RGS6: variants seen among roughly 807,000 people sequenced by gnomAD.
The protein encoded by RGS6 is regulator of G-protein signaling 6.
In RGS6, 30 loss-of-function variants were observed where a neutral mutation model predicts 78.5. The observed-to-expected ratio is 0.38, with a 90% confidence interval of 0.29 to 0.52. The LOEUF is 0.52. RGS6 is among the 20% of genes least tolerant of loss of function. The pLI is 0.85. For missense variants in RGS6, 495 were observed against 609.7 expected, an observed-to-expected ratio of 0.81 and a Z score of 1.98; for synonymous variants, 206 against 206.0, an observed-to-expected ratio of 1.00 and a Z score of 0.00.
intron 2 of RGS6, among the ~76,000 whole-genome samples, chr14:72,304,218 A>G (rs1315234855): frequency 6.6e-6 from 1 of 152,222 alleles, no homozygotes; most frequent in African/African-American, 2.4e-5. Context: ...GTATGTGACT[A>G]GTAAACCACG....
At chr14:72,238,856 T>A (rs1036101241) in intron 2 of RGS6, among the ~76,000 whole-genome samples, 5 of 152,144 alleles carry the variant, frequency 3.3e-5, no homozygotes, top group African/African-American at 9.7e-5. Context: ...AAAACACTCA[T>A]ACAACCTGTT....
intron 3 of RGS6, among the ~76,000 whole-genome samples, chr14:72,380,851 C>G (rs1240369793): frequency 6.6e-6 from 1 of 150,786 alleles, no homozygotes; most frequent in Non-Finnish European, 1.5e-5. Flanking sequence ...ATCAGTATAT[C>G]AAAGGGACAT....
At chr14:72,038,263 G>A (rs1480825866) in intron 2 of RGS6, among the ~76,000 whole-genome samples, 3 of 152,030 alleles carry the variant, frequency 2.0e-5, no homozygotes, top group Admixed American at 6.6e-5. Context: ...AGCCACTCCC[G>A]GCCAACCATG....
intron 2 of RGS6, among the ~76,000 whole-genome samples, chr14:72,057,150 C>T (rs1183239028): frequency 6.6e-6 from 1 of 151,672 alleles, no homozygotes; most frequent in Non-Finnish European, 1.5e-5. Flanking sequence ...CCCATCTCTA[C>T]TAAAAATACA....
intron 2 of RGS6, chr14:71,990,396 G>A (rs2094903838): frequency 2.2e-5 from 8 of 355,690 alleles, no homozygotes; most frequent in South Asian, 1.7e-4. Flanking sequence ...AAATTCATGT[G>A]TTCTGCTCAG....
In RGS6 at chr14:72,547,305, C is replaced by T. The variant is rs1224901911; in HGVS notation, c.1422+7211C>T. On this transcript the variant is annotated intron_variant, in intron 17 of 17. Coordinates refer to ENST00000553525, the MANE Select transcript of RGS6 (RefSeq NM_001204424.2). ...AGGAGACCCAACTCTGCCTGTGGTC[C>T]AGACTGGAAAGTTCAAAGAGAAGTC... 21 of 1,535,478 alleles carry T rather than the reference C, an allele frequency of 1.4e-5. No individual in the cohort carries two copies. The Middle Eastern group carries it at 8.3e-4, about 61-fold the overall frequency.
At chr14:72,278,150 G>C (rs1361544211) in intron 2 of RGS6, among the ~76,000 whole-genome samples, 10 of 152,122 alleles carry the variant, frequency 6.6e-5, no homozygotes, top group Admixed American at 6.6e-4. Context: ...TTATTCGGGT[G>C]TTTGAAAGTC....
Position 72,348,545 on chromosome 14 carries a change from A to G in RGS6, c.85-3550A>G, listed in dbSNP as rs565357434. Among the ~76,000 whole-genome samples, 100 of 152,338 alleles carry G rather than the reference A, an allele frequency of 6.6e-4. 1 individual carries two copies. The highest frequency in any genetic ancestry group is 2.3e-3 in the African/African-American group (95 of 41,584). The stretch of plus-strand genomic sequence containing the variant: ...GAAACCATGACAAGGAATTTTAGAG[A>G]GTATTACCCGATATTGTAGTGGACT... On this transcript the variant is annotated intron_variant, in intron 2 of 17. Coordinates refer to ENST00000553525, the MANE Select transcript of RGS6 (RefSeq NM_001204424.2).
intron 16 of RGS6, among the ~76,000 whole-genome samples, chr14:72,538,105 CAG>C (rs2097274068): frequency 6.6e-6 from 1 of 152,248 alleles, no homozygotes; most frequent in Admixed American, 6.5e-5. Context: ...TTTCCCAAAA[CAG>C]TGACAAAACC....
chr14:72,595,125 AT>A, the RGS6 span: 1 of 152,172 alleles, frequency 6.6e-6, no homozygotes, highest in African/African-American at 2.4e-5. Flanking sequence ...CTGCCAGTTC[AT>A]TATAGATGAA....
rs1028691742 is a variant in RGS6 at position 72,506,697 on chromosome 14, T to C, written c.966-3457T>C. Among the ~76,000 whole-genome samples, 43 of 152,312 alleles carry C rather than the reference T, an allele frequency of 2.8e-4. 1 individual carries two copies. The highest frequency in any genetic ancestry group is 6.5e-4 in the Admixed American group (10 of 15,306). ...ATGGATAGTTGAGGGAAGCCAAGTA[T>C]ACATGGTTACATTGTATCGACTAAA... On this transcript the variant is annotated intron_variant, in intron 13 of 17. Transcript: ENST00000553525.
chr14:72,163,979 G>T (rs1425881705), intron 2 of RGS6, among the ~76,000 whole-genome samples: 1 of 151,998 alleles, frequency 6.6e-6, no homozygotes. Flanking sequence ...ATCTTTTTTG[G>T]GAGGGGTGGC....
the RGS6 span, among the ~76,000 whole-genome samples, chr14:71,922,777 G>A: frequency 1.3e-5 from 2 of 152,014 alleles, no homozygotes; most frequent in South Asian, 2.1e-4. Flanking sequence ...GAACAGTACT[G>A]GCCAGGTATT....
At chr14:72,364,362 C>T (rs55916717) in intron 3 of RGS6, among the ~76,000 whole-genome samples, 14,509 of 152,164 alleles carry the variant, frequency 0.095, 735 homozygotes, top group East Asian at 0.18. Context: ...AAAGTTGAAA[C>T]GCATTAATAC....
intron 2 of RGS6, among the ~76,000 whole-genome samples, chr14:72,283,407 C>T (rs2061921112): frequency 6.6e-6 from 1 of 152,156 alleles, no homozygotes; most frequent in Non-Finnish European, 1.5e-5. Context: ...TCCCCTAATT[C>T]CCACAAGTAG....
At chr14:72,451,557 G>A (rs1034105394) in intron 3 of RGS6, among the ~76,000 whole-genome samples, 2 of 152,102 alleles carry the variant, frequency 1.3e-5, no homozygotes, top group African/African-American at 2.4e-5. Context: ...ATACTAATTA[G>A]TGACATGGAT....
intron 14 of RGS6, among the ~76,000 whole-genome samples, chr14:72,513,594 G>T (rs1355847214): frequency 1.3e-5 from 2 of 152,212 alleles, no homozygotes; most frequent in African/African-American, 4.8e-5. Flanking sequence ...CAAGGCAGGG[G>T]CCTCACAGCT....
At chr14:72,079,348 T>C (rs971928016) in intron 2 of RGS6, among the ~76,000 whole-genome samples, 1 of 152,168 alleles carries the variant, frequency 6.6e-6, no homozygotes, top group East Asian at 1.9e-4. Flanking sequence ...AGCTATATTA[T>C]CATATATTTA....
At position 72,128,342 on chromosome 14, in the gene RGS6, TTAAA is replaced by T. The variant is rs766911826; in HGVS notation, c.84+163471_84+163474del. 1.3e-3 allele frequency among the ~76,000 whole-genome samples: 202 copies of T among 152,334 alleles called. 1 individual carries two copies. Among genetic ancestry groups the T allele is most frequent in the Non-Finnish European group, 2.5e-3 (171 of 68,028 alleles). ...ATTTCATAAATGTATTCTCTTTTGA[TTAAA>T]TAATCAAACTTAAGTAAATTATTGG... On this transcript the variant is annotated intron_variant, in intron 2 of 17. Coordinates refer to ENST00000553525, the MANE Select transcript of RGS6 (RefSeq NM_001204424.2).
Sources: allele counts gnomAD v4.1 joint callset (sites outside exome capture counted in the v4.1 genomes callset), GRCh38; gene constraint gnomAD v4.1.1; transcripts MANE v1.5; gene names NCBI Gene and HGNC (gene_info 2026-07-23, HGNC 2026-07-21).